AGBL1: variants seen among roughly 807,000 people sequenced by gnomAD.
AGBL1 encodes AGBL carboxypeptidase 1.
AGBL1 carries 130 observed loss-of-function variants against 118.9 expected under a neutral mutation model. The ratio of observed to expected loss-of-function variants is 1.09; its 90% CI spans 0.95 to 1.26. The LOEUF is 1.26. Ranked by LOEUF, AGBL1 falls within the 50% of genes most tolerant of loss-of-function variation. The probability of loss-of-function intolerance (pLI) is 0.00; values close to 1 mark genes in which losing one functional copy is unlikely to be tolerated. For missense variants in AGBL1, 1,584 were observed against 1,298.1 expected, an observed-to-expected ratio of 1.22 and a Z score of -3.38; for synonymous variants, 555 against 478.9, an observed-to-expected ratio of 1.16 and a Z score of -2.08.
chr15:86,741,745 ATTTAGC>A (rs1263813588), intron 22 of AGBL1, among the ~76,000 whole-genome samples: 2 of 151,930 alleles, frequency 1.3e-5, no homozygotes, highest in African/African-American at 4.8e-5. Flanking sequence ...CCAGTTTCTA[ATTTAGC>A]TTTAATATTT....
At chr15:86,944,042 T>A (rs753371331) in intron 23 of AGBL1, among the ~76,000 whole-genome samples, 7 of 151,966 alleles carry the variant, frequency 4.6e-5, no homozygotes, top group Non-Finnish European at 7.4e-5. Context: ...TAAAATGAAA[T>A]CTAAGATAAG....
chr15:86,247,990 T>C, intron 7 of AGBL1, 111 bp downstream of exon 7: 2 of 1,354,846 alleles, frequency 1.5e-6, no homozygotes, highest in Non-Finnish European at 2.1e-6. Context: ...GTCTATTTCT[T>C]GTTGCCTGCT....
chr15:86,302,009 T>G (rs1337955904), intron 17 of AGBL1, among the ~76,000 whole-genome samples: 1 of 152,160 alleles, frequency 6.6e-6, no homozygotes, highest in African/African-American at 2.4e-5. Flanking sequence ...GTTGTTGATC[T>G]GCCTGCATAT....
chr15:86,422,601 C>A (rs185085181), intron 18 of AGBL1, among the ~76,000 whole-genome samples: 1 of 151,822 alleles, frequency 6.6e-6, no homozygotes, highest in Non-Finnish European at 1.5e-5. Context: ...TAGAGCAGAA[C>A]GGAAGGAGAT....
chr15:86,083,952 T>C (rs1020622170), intron 1 of AGBL1, among the ~76,000 whole-genome samples: 7 of 152,204 alleles, frequency 4.6e-5, no homozygotes, highest in Non-Finnish European at 1.0e-4. Context: ...TTCCTTTAGA[T>C]AGCAAACACT....
chr15:86,783,764 G>A (rs574119010), intron 22 of AGBL1, among the ~76,000 whole-genome samples: 1 of 152,222 alleles, frequency 6.6e-6, no homozygotes, highest in Middle Eastern at 3.4e-3. Context: ...CAAGTATCTG[G>A]GATTACAGGT....
intron 22 of AGBL1, among the ~76,000 whole-genome samples, chr15:86,706,297 A>G: frequency 6.6e-6 from 1 of 152,118 alleles, no homozygotes; most frequent in East Asian, 1.9e-4. Context: ...GGTTTTTACA[A>G]AATGATATAA....
intron 1 of AGBL1, among the ~76,000 whole-genome samples, chr15:86,112,340 G>A (rs28409320): frequency 0.058 from 8,720 of 150,900 alleles, 830 homozygotes; most frequent in African/African-American, 0.2. Context: ...GCATTTATCC[G>A]TTTATATGCA....
chr15:86,182,976 A>G (rs151113594), intron 5 of AGBL1, among the ~76,000 whole-genome samples: 9 of 152,286 alleles, frequency 5.9e-5, no homozygotes, highest in Non-Finnish European at 1.0e-4. Context: ...CATTATGGCT[A>G]ATTCTCATGT....
intron 17 of AGBL1, among the ~76,000 whole-genome samples, chr15:86,322,854 T>A (rs145577540): frequency 1.2e-3 from 185 of 152,332 alleles, no homozygotes; most frequent in African/African-American, 4.4e-3. Flanking sequence ...CCAAGTGCAG[T>A]AATTTTTCTT....
intron 24 of AGBL1, among the ~76,000 whole-genome samples, chr15:87,027,229 G>A (rs2081737980): frequency 6.6e-6 from 1 of 152,104 alleles, no homozygotes; most frequent in African/African-American, 2.4e-5. Context: ...ACCACAATGA[G>A]ATATCATCTC....
At chr15:86,965,305 C>G (rs541681049) in intron 23 of AGBL1, among the ~76,000 whole-genome samples, 65 of 152,194 alleles carry the variant, frequency 4.3e-4, no homozygotes, top group African/African-American at 1.6e-3. Flanking sequence ...TGTTTCCTGA[C>G]TTTTTAATGA....
At chr15:86,390,448 C>T (rs1281351340) in intron 17 of AGBL1, among the ~76,000 whole-genome samples, 1 of 151,948 alleles carries the variant, frequency 6.6e-6, no homozygotes, top group Non-Finnish European at 1.5e-5. Context: ...ATCCTAACAC[C>T]TTTATTCATA....
At chr15:86,682,894 C>T (rs888967207) in intron 22 of AGBL1, among the ~76,000 whole-genome samples, 1 of 152,110 alleles carries the variant, frequency 6.6e-6, no homozygotes, top group Non-Finnish European at 1.5e-5. Flanking sequence ...GTAGATGCTT[C>T]CATTAACATT....
At chr15:86,545,841 G>A (rs146458178) in intron 19 of AGBL1, among the ~76,000 whole-genome samples, 161 bp from the exon 20 acceptor site, 8 of 152,278 alleles carry the variant, frequency 5.3e-5, no homozygotes, top group African/African-American at 1.7e-4. Context: ...AAAGACACCA[G>A]TGATCCGCAC....
At chr15:86,754,895 A>G (rs1185244135) in intron 22 of AGBL1, among the ~76,000 whole-genome samples, 1 of 151,786 alleles carries the variant, frequency 6.6e-6, no homozygotes, top group East Asian at 1.9e-4. Context: ...CTCTCCCCTT[A>G]TCCCTTCTCT....
At chr15:86,837,761 T>C (rs2079188830) in intron 22 of AGBL1, among the ~76,000 whole-genome samples, 1 of 152,190 alleles carries the variant, frequency 6.6e-6, no homozygotes, top group African/African-American at 2.4e-5. Context: ...AAAATGGTTT[T>C]GGATTAGAGC....
intron 22 of AGBL1, among the ~76,000 whole-genome samples, chr15:86,868,997 G>T (rs1184310517): frequency 5.9e-5 from 9 of 152,180 alleles, no homozygotes; most frequent in African/African-American, 2.2e-4. Context: ...TAAATCAACA[G>T]CTTCAAGGAC....
At chr15:86,792,469 G>C (rs2078508536) in intron 22 of AGBL1, among the ~76,000 whole-genome samples, 1 of 152,138 alleles carries the variant, frequency 6.6e-6, no homozygotes, top group African/African-American at 2.4e-5. Flanking sequence ...GGAAGTTATT[G>C]AGAGTGGCCT....
Sources: gnomAD v4.1 joint callset for allele counts (sites outside exome capture counted in the v4.1 genomes callset) on GRCh38, gnomAD v4.1.1 for gene constraint, MANE v1.5 for transcripts, NCBI Gene and HGNC (gene_info 2026-07-23, HGNC 2026-07-21) for gene names.